The following KALRN variants were observed in gnomAD, a reference collection of about 807,000 sequenced individuals.
KALRN encodes the protein kalirin.
In KALRN, 70 loss-of-function variants were observed where a neutral mutation model predicts 353.7. The observed-to-expected ratio is 0.20, with a 90% CI of 0.16 to 0.24. The LOEUF is 0.24. Among genes scored for constraint, KALRN ranks in the 10% least tolerant of loss-of-function variants. The probability of loss-of-function intolerance (pLI) is 1.00; values close to 1 mark genes in which losing one functional copy is unlikely to be tolerated. For missense variants in KALRN, 2,791 were observed against 3,756.7 expected (o/e 0.74, Z 6.72); for synonymous variants, 1,391 against 1,434.8 (o/e 0.97, Z 0.69).
chr3:124,303,141 A>G (rs575652258), intron 6 of KALRN, among the ~76,000 whole-genome samples: 37 of 152,348 alleles, frequency 2.4e-4, no homozygotes, highest in African/African-American at 8.4e-4. Flanking sequence ...GCCATCAATT[A>G]TTAACATACC....
At chr3:124,219,216 A>G (rs1030728261) in intron 1 of KALRN, among the ~76,000 whole-genome samples, 2 of 152,214 alleles carry the variant, frequency 1.3e-5, no homozygotes, top group South Asian at 4.1e-4. Context: ...CCTGCCATCA[A>G]TGAGCTTAGA....
chr3:124,306,770 C>T (rs190314838), intron 6 of KALRN, among the ~76,000 whole-genome samples: 176 of 152,168 alleles, frequency 1.2e-3, no homozygotes, highest in African/African-American at 4.1e-3. Flanking sequence ...TTCTCTGTTA[C>T]AAGGGAACCT....
At chr3:124,549,574 T>A (rs1219865293) in intron 33 of KALRN, among the ~76,000 whole-genome samples, 1 of 152,164 alleles carries the variant, frequency 6.6e-6, no homozygotes, top group Non-Finnish European at 1.5e-5. Context: ...TTTATTTTAG[T>A]TTTATAGTAT....
At chr3:124,046,490 G>C (rs543135580) in intron 1 of KALRN, among the ~76,000 whole-genome samples, 1 of 152,346 alleles carries the variant, frequency 6.6e-6, no homozygotes, top group Admixed American at 6.5e-5. Flanking sequence ...CCTGGGAAGA[G>C]AGGAGATGGA....
chr3:124,217,211 T>G (rs1336716656), intron 1 of KALRN, among the ~76,000 whole-genome samples: 1 of 152,238 alleles, frequency 6.6e-6, no homozygotes. Context: ...ATTGTTTACT[T>G]TTGTACCCAC....
At chr3:124,526,710 G>A (rs2067623704) in intron 33 of KALRN, among the ~76,000 whole-genome samples, 1 of 152,186 alleles carries the variant, frequency 6.6e-6, no homozygotes, top group African/African-American at 2.4e-5. Flanking sequence ...GGGCTATAAA[G>A]GGTTATGTCC....
chr3:124,334,521 C>T lies in KALRN; in HGVS notation c.1647+26C>T, dbSNP rs1195073551. The T allele has an allele frequency of 1.9e-6, 3 of 1,546,278 alleles. No individual in the cohort carries two copies. The Admixed American group carries it at 5.2e-5, about 27-fold the overall frequency. ...GTAACAGGCTCTGAGCCCCGGTGTCCATTATCCATTCTAGGAGGCAGACCG... is the reference window on the plus strand; with the variant it reads ...GTAACAGGCTCTGAGCCCCGGTGTCTATTATCCATTCTAGGAGGCAGACCG... On this transcript the variant is annotated intron_variant, in intron 9 of 59. Coordinates refer to ENST00000682506, the MANE Select transcript of KALRN (RefSeq NM_001388419.1). This position sits in a 1 kb window ranked among gnomAD's most constrained non-coding sequence, Gnocchi z 4.2.
chr3:124,455,059 TACCC>T, intron 21 of KALRN, 114 bp from the exon 22 acceptor site: 1 of 1,048,844 alleles, frequency 9.5e-7, no homozygotes, highest in Non-Finnish European at 1.4e-6. Context: ...CTGGGATACA[TACCC>T]AGGTAGTCAG....
chr3:124,629,858 T>C (rs952935886), intron 34 of KALRN, among the ~76,000 whole-genome samples: 1 of 152,158 alleles, frequency 6.6e-6, no homozygotes, highest in South Asian at 2.1e-4. Context: ...TGGATATCTA[T>C]GTATAGCTAG....
rs4678082 is a variant in KALRN at position 124,091,613 on chromosome 3, A to T, written c.73+57800A>T. On this transcript the variant is annotated intron_variant, in intron 1 of 59. Coordinates refer to ENST00000682506, the MANE Select transcript of KALRN (RefSeq NM_001388419.1). ...GAACACATCCATGTTGTGATATCAA[A>T]TAACTGCTGAACATCCGGATGGGCA... 2.6e-5 allele frequency among the ~76,000 whole-genome samples: 4 copies of T among 152,080 alleles called. No individual in the cohort carries two copies. In the South Asian group the frequency reaches 8.3e-4, roughly 32 times the overall value.
chr3:124,062,401 T>G (rs2042053199), intron 1 of KALRN, among the ~76,000 whole-genome samples: 1 of 152,224 alleles, frequency 6.6e-6, no homozygotes, highest in Non-Finnish European at 1.5e-5. Context: ...TTTTTAGCCC[T>G]GTCTCCTTTA....
At chr3:124,510,967 G>A (rs552470397) in intron 33 of KALRN, among the ~76,000 whole-genome samples, 3 of 151,874 alleles carry the variant, frequency 2.0e-5, no homozygotes, top group African/African-American at 7.2e-5. Flanking sequence ...TTTTTTCTGA[G>A]TACCTACTAG....
chr3:124,158,530 C>T (rs1376888020), intron 1 of KALRN, among the ~76,000 whole-genome samples: 2 of 152,202 alleles, frequency 1.3e-5, no homozygotes, highest in East Asian at 3.9e-4. Flanking sequence ...ATTTGCAAAA[C>T]ACTGTTGAGT....
intron 1 of KALRN, among the ~76,000 whole-genome samples, chr3:124,077,669 T>C (rs998198954): frequency 3.3e-5 from 5 of 152,236 alleles, no homozygotes; most frequent in Admixed American, 6.5e-5. Flanking sequence ...ATTGGTACTA[T>C]TGCAATAGGC....
intron 3 of KALRN, among the ~76,000 whole-genome samples, chr3:124,261,878 G>A (rs2072922043): frequency 6.6e-6 from 1 of 152,168 alleles, no homozygotes; most frequent in African/African-American, 2.4e-5. Flanking sequence ...GATGCTCAGT[G>A]AGAAAACTCC....
At chr3:124,056,260 A>C (rs1337611076) in intron 1 of KALRN, among the ~76,000 whole-genome samples, 1 of 151,330 alleles carries the variant, frequency 6.6e-6, no homozygotes, top group Non-Finnish European at 1.5e-5. Flanking sequence ...TTTTTTTTTG[A>C]GGGAGGAGAG....
chr3:124,124,427 A>G lies in KALRN; in HGVS notation c.73+90614A>G, dbSNP rs185953416. Among the ~76,000 whole-genome samples the G allele has an allele frequency of 7.0e-4, 107 of 152,368 alleles. No individual in the cohort carries two copies. The South Asian group carries it at 0.014, about 20-fold the overall frequency. On this transcript the variant is annotated intron_variant, in intron 1 of 59. Transcript: ENST00000682506. ...AGCAAAGAAAGTGGTTTCTTGAGAT[A>G]GAATTGACTTCTGGTGAAGATGCTG...
rs73858440 is a variant in KALRN at position 124,396,870 on chromosome 3, G to C, written c.2171+1527G>C. On this transcript the variant is annotated intron_variant, in intron 12 of 59. Transcript: ENST00000682506. ...CCACTGGCGACCATTCATTATGCCA[G>C]TAACCTGACTCTAGCCTAGGCTCCC... Among the ~76,000 whole-genome samples, 519 of 152,352 alleles carry C rather than the reference G, an allele frequency of 3.4e-3. 6 individuals are homozygous for C. The highest frequency in any genetic ancestry group is 0.012 in the African/African-American group (496 of 41,572).
At position 124,123,882 on chromosome 3, in the gene KALRN, A is replaced by C. The variant is rs368818037; in HGVS notation, c.73+90069A>C. 2.6e-5 allele frequency among the ~76,000 whole-genome samples: 4 copies of C among 152,360 alleles called. No individual in the cohort carries two copies. In the South Asian group the frequency reaches 8.3e-4, roughly 32 times the overall value. On this transcript the variant is annotated intron_variant, in intron 1 of 59. Coordinates refer to ENST00000682506, the MANE Select transcript of KALRN (RefSeq NM_001388419.1). ...CCACTGATGAGACCCACTGCTCAGA[A>C]AAAGAGATCCCTTTCAAAATATTAC...
Sources: gnomAD v4.1 joint callset for allele counts (sites outside exome capture counted in the v4.1 genomes callset) on GRCh38, gnomAD v4.1.1 for gene constraint, Gnocchi (gnomAD v3.1) non-coding constraint, MANE v1.5 for transcripts, NCBI Gene and HGNC (gene_info 2026-07-23, HGNC 2026-07-21) for gene names.